Variants in SAMD5 observed in about 807,000 individuals in gnomAD.
The protein encoded by SAMD5 is sterile alpha motif domain-containing protein 5.
A neutral mutation model predicts 11.3 loss-of-function variants in SAMD5; 13 were observed. That is an observed-to-expected ratio of 1.15 (90% CI 0.75 to 1.83). The LOEUF (loss-of-function observed/expected upper bound fraction) is 1.83, where lower values mean the gene tolerates loss of function less well. Ranked by LOEUF, SAMD5 falls within the 40% of genes most tolerant of loss-of-function variation. The probability of loss-of-function intolerance (pLI) is 0.00; values close to 1 mark genes in which losing one functional copy is unlikely to be tolerated. For synonymous variants in SAMD5, 129 were observed against 111.3 expected (o/e 1.16, Z -1.00); for missense variants, 255 against 239.1 (o/e 1.07, Z -0.44).
In SAMD5 at chr6:147,717,065, C is replaced by T. The variant is rs1440709759; in HGVS notation, c.163-20252C>T. 3.9e-5 allele frequency among the ~76,000 whole-genome samples: 6 copies of T among 152,324 alleles called. No homozygotes were observed. The East Asian group carries it at 1.2e-3, about 29-fold the overall frequency. Reference sequence around the variant, plus strand: ...AAAACCTCCAGTGACTTCCACTGCACTTAGCTAAAATCCAAATTTTTCATC... The same window carrying T: ...AAAACCTCCAGTGACTTCCACTGCATTTAGCTAAAATCCAAATTTTTCATC... On this transcript the variant is annotated intron_variant, in intron 1 of 1. Coordinates refer to the SAMD5 transcript ENST00000566741.
chr6:147,930,171 TG>T, the SAMD5 span, among the ~76,000 whole-genome samples: 1 of 152,178 alleles, frequency 6.6e-6, no homozygotes, highest in African/African-American at 2.4e-5. Context: ...GAGCAACCTT[TG>T]CTCCAGTTCC....
intron 1 of SAMD5, among the ~76,000 whole-genome samples, chr6:147,693,175 C>A (rs759546105): frequency 6.6e-6 from 1 of 152,232 alleles, no homozygotes; most frequent in Non-Finnish European, 1.5e-5. Flanking sequence ...ACACTGGCAC[C>A]TTTCCATTTT....
chr6:147,517,622 A>G (rs993899411), intron 1 of SAMD5, among the ~76,000 whole-genome samples: 6 of 152,360 alleles, frequency 3.9e-5, no homozygotes, highest in African/African-American at 1.4e-4. Flanking sequence ...AGTAATCTTG[A>G]AAATAGTCAC....
At chr6:147,631,236 A>T (rs1790145964) in intron 1 of SAMD5, among the ~76,000 whole-genome samples, 3 of 152,174 alleles carry the variant, frequency 2.0e-5, no homozygotes. Flanking sequence ...GAATTGAGAA[A>T]CTAAACGGAA....
At chr6:147,656,111 G>A (rs546036651) in intron 1 of SAMD5, among the ~76,000 whole-genome samples, 3 of 152,238 alleles carry the variant, frequency 2.0e-5, no homozygotes, top group South Asian at 4.1e-4. Context: ...AATAAATGGT[G>A]TTGGGACAAC....
At chr6:147,672,491 C>T (rs745874942) in intron 1 of SAMD5, among the ~76,000 whole-genome samples, 12 of 152,012 alleles carry the variant, frequency 7.9e-5, no homozygotes, top group Non-Finnish European at 1.5e-4. Context: ...CATGTTAGTG[C>T]GTGGGGATGT....
chr6:147,784,567 G>C, the SAMD5 span, among the ~76,000 whole-genome samples: 1 of 152,256 alleles, frequency 6.6e-6, no homozygotes, highest in South Asian at 2.1e-4. Flanking sequence ...AAACTGCCTG[G>C]TAAATTTGCA....
chr6:147,854,948 C>T, the SAMD5 span, among the ~76,000 whole-genome samples: 1 of 152,074 alleles, frequency 6.6e-6, no homozygotes, highest in East Asian at 1.9e-4. Context: ...ATTAGCCTAA[C>T]TGAAATAACA....
At chr6:147,812,130 A>T in the SAMD5 span, among the ~76,000 whole-genome samples, 3 of 152,180 alleles carry the variant, frequency 2.0e-5, no homozygotes, top group African/African-American at 7.2e-5. Flanking sequence ...GGACTCAGCT[A>T]TTTCAGAGAG....
the SAMD5 span, among the ~76,000 whole-genome samples, chr6:147,878,611 A>ACAT: frequency 1.4e-4 from 20 of 146,878 alleles, 2 homozygotes; most frequent in Admixed American, 1.4e-3. Flanking sequence ...ATATCTATAT[A>ACAT]GATATATATG....
the SAMD5 span, among the ~76,000 whole-genome samples, chr6:147,845,982 T>C: frequency 1.3e-5 from 2 of 152,128 alleles, no homozygotes; most frequent in Non-Finnish European, 1.5e-5. Context: ...CAGGTTTCCA[T>C]CAAGAGGCGT....
the SAMD5 span, among the ~76,000 whole-genome samples, chr6:147,891,005 G>T: frequency 6.6e-6 from 1 of 152,156 alleles, no homozygotes; most frequent in Non-Finnish European, 1.5e-5. Context: ...CCGTATGATT[G>T]CATATGGATA....
chr6:147,945,521 A>G, the SAMD5 span, among the ~76,000 whole-genome samples: 2 of 152,198 alleles, frequency 1.3e-5, no homozygotes, highest in African/African-American at 4.8e-5. Flanking sequence ...ACTATTTCTT[A>G]AGGATGGTGA....
the SAMD5 span, among the ~76,000 whole-genome samples, chr6:147,900,679 G>C: frequency 1.3e-5 from 2 of 152,196 alleles, no homozygotes; most frequent in Non-Finnish European, 2.9e-5. Flanking sequence ...CCAGTTATCT[G>C]TGTCGCTTTG....
At chr6:147,900,706 C>A in the SAMD5 span, among the ~76,000 whole-genome samples, 23 of 152,292 alleles carry the variant, frequency 1.5e-4, no homozygotes, top group African/African-American at 5.5e-4. Context: ...AGCAGCTCGC[C>A]TATTCAAACA....
At chr6:147,905,419 G>A in the SAMD5 span, among the ~76,000 whole-genome samples, 1 of 152,118 alleles carries the variant, frequency 6.6e-6, no homozygotes, top group Non-Finnish European at 1.5e-5. Context: ...GAGTTCAGGA[G>A]ACCTGCCTAC....
chr6:147,882,474 G>C, the SAMD5 span, among the ~76,000 whole-genome samples: 1 of 152,164 alleles, frequency 6.6e-6, no homozygotes, highest in Non-Finnish European at 1.5e-5. Context: ...CAACTACTTA[G>C]GCGGCTGAGG....
At chr6:147,945,195 C>T in the SAMD5 span, among the ~76,000 whole-genome samples, 5 of 152,146 alleles carry the variant, frequency 3.3e-5, no homozygotes, top group Non-Finnish European at 5.9e-5. Context: ...ATTTCATCCT[C>T]GTGATCCCTC....
At chr6:147,578,214 A>G (rs1176123693) in intron 1 of SAMD5, among the ~76,000 whole-genome samples, 1 of 152,032 alleles carries the variant, frequency 6.6e-6, no homozygotes, top group African/African-American at 2.4e-5. Flanking sequence ...GAATTTTTTG[A>G]CTCTAATTAT....
Sources: gnomAD v4.1 joint callset for allele counts (sites outside exome capture counted in the v4.1 genomes callset) on GRCh38, gnomAD v4.1.1 for gene constraint, MANE v1.5 for transcripts, NCBI Gene and HGNC (gene_info 2026-07-23, HGNC 2026-07-21) for gene names.